Variants in MLLT10 observed in about 807,000 individuals in gnomAD.
MLLT10 encodes protein AF-10.
In MLLT10, 30 loss-of-function variants were observed where a neutral mutation model predicts 129.1. The ratio of observed to expected loss-of-function variants is 0.23; its 90% confidence interval spans 0.17 to 0.32. MLLT10 has a LOEUF of 0.32. Ranked by LOEUF, MLLT10 falls within the 10% of genes least tolerant of loss-of-function variation. MLLT10 has a pLI of 1.00. For synonymous variants in MLLT10, 490 were observed against 446.4 expected (o/e 1.10, Z -1.23); for missense variants, 1,119 against 1,268.3 (o/e 0.88, Z 1.79).
chr10:21,575,477 G>A (rs1211962702), intron 3 of MLLT10, among the ~76,000 whole-genome samples: 3 of 152,156 alleles, frequency 2.0e-5, no homozygotes, highest in Non-Finnish European at 2.9e-5. Flanking sequence ...GATTACAGGC[G>A]TGAGCCACCA....
intron 5 of MLLT10, among the ~76,000 whole-genome samples, chr10:21,604,121 C>T (rs917070679): frequency 9.9e-5 from 15 of 152,166 alleles, no homozygotes; most frequent in African/African-American, 3.6e-4. Context: ...GTTCTTTCCA[C>T]ATACAAAATA....
chr10:21,611,053 A>G (rs2044593670), intron 5 of MLLT10, among the ~76,000 whole-genome samples: 2 of 139,968 alleles, frequency 1.4e-5, no homozygotes, highest in African/African-American at 5.3e-5. Context: ...CTGGAGTGCA[A>G]TGGCATGATC....
chr10:21,602,369 A>T (rs2043624941), intron 5 of MLLT10, among the ~76,000 whole-genome samples: 1 of 151,942 alleles, frequency 6.6e-6, no homozygotes, highest in South Asian at 2.1e-4. Flanking sequence ...TTTTTTTGAA[A>T]GTTGGTAGCA....
chr10:21,623,076 T>C (rs1415770825), intron 8 of MLLT10, among the ~76,000 whole-genome samples: 1 of 152,226 alleles, frequency 6.6e-6, no homozygotes, highest in Non-Finnish European at 1.5e-5. Flanking sequence ...AGAGCTTCCA[T>C]GCCCTCTCCA....
At chr10:21,713,321 C>G (rs1244703347) in intron 13 of MLLT10, among the ~76,000 whole-genome samples, 1 of 152,220 alleles carries the variant, frequency 6.6e-6, no homozygotes, top group Non-Finnish European at 1.5e-5. Context: ...ATTTTAATTT[C>G]TACCTTGTCG....
intron 13 of MLLT10, among the ~76,000 whole-genome samples, chr10:21,697,010 CTTT>C: frequency 7.5e-6 from 1 of 133,296 alleles, no homozygotes; most frequent in East Asian, 2.4e-4. Context: ...CTAGCTTCAT[CTTT>C]GAGCATCTTA....
At chr10:21,546,877 G>A (rs1488692478) in intron 3 of MLLT10, among the ~76,000 whole-genome samples, 2 of 151,948 alleles carry the variant, frequency 1.3e-5, no homozygotes, top group African/African-American at 2.4e-5. Flanking sequence ...ACAGGCATGC[G>A]CCACCACACC....
intron 8 of MLLT10, among the ~76,000 whole-genome samples, chr10:21,642,246 T>C (rs1406594820): frequency 6.6e-6 from 1 of 152,004 alleles, no homozygotes; most frequent in African/African-American, 2.4e-5. Flanking sequence ...CCAGCTACAC[T>C]GGAGGCTGAG....
At position 21,733,890 on chromosome 10, in the gene MLLT10, G is replaced by C. The variant is rs369868192; in HGVS notation, c.2619G>C (p.Val873=). ...GTGGAGTTCAGCAGGTCAATGGCGT[G>C]ACAGTGGGGGCACTAGCTAGTGGAA... is the stretch of plus-strand genomic sequence containing the variant. ...GVSGVQQVNG[V]TVGALASGMQ... The change falls in exon 20 of 23, where the codon GTG becomes GTC. Residue 873 remains valine, a synonymous_variant. Transcript: ENST00000307729. 1.7e-5 allele frequency: 27 copies of C among 1,614,110 alleles called. No individual in the cohort carries two copies. Among genetic ancestry groups the C allele is most frequent in the Non-Finnish European group, 2.3e-5 (27 of 1,180,038 alleles).
intron 9 of MLLT10, among the ~76,000 whole-genome samples, chr10:21,656,184 C>T (rs1054133500): frequency 1.4e-4 from 22 of 151,922 alleles, no homozygotes; most frequent in Admixed American, 1.3e-4. Flanking sequence ...TTTTGGGGAA[C>T]GGTGTCATTT....
chr10:21,742,075 C>G lies in MLLT10; in HGVS notation c.*92C>G. Reference sequence around the variant, plus strand: ...TCCTTTTACTACAGCTATGAAGAAACGCAACAAGAAACTCAATGCACAACA... The same window carrying G: ...TCCTTTTACTACAGCTATGAAGAAAGGCAACAAGAAACTCAATGCACAACA... On this transcript the variant is annotated 3_prime_UTR_variant, in exon 23 of 23. Transcript: ENST00000307729. 1.7e-6 allele frequency: 2 copies of G among 1,152,472 alleles called. No homozygotes were observed. Among genetic ancestry groups the G allele is most frequent in the Non-Finnish European group, 1.3e-6 (1 of 783,408 alleles). 71.4% of individuals were successfully genotyped at this position (1,152,472 alleles called of 1,614,324 possible).
At chr10:21,659,997 A>G (rs1051310924) in intron 9 of MLLT10, among the ~76,000 whole-genome samples, 4 of 151,708 alleles carry the variant, frequency 2.6e-5, no homozygotes, top group Non-Finnish European at 5.9e-5. Context: ...CTTTTTTTTG[A>G]GACAGTCTTG....
At chr10:21,614,584 A>G (rs1375150781) in intron 6 of MLLT10, among the ~76,000 whole-genome samples, 1 of 152,210 alleles carries the variant, frequency 6.6e-6, no homozygotes, top group Non-Finnish European at 1.5e-5. Flanking sequence ...GTACATCTTC[A>G]TCCTAATATG....
rs1468415840 is a variant in MLLT10 at position 21,606,976 on chromosome 10, T to C, written c.406-5372T>C. ...ATTGATATAGCCAACTTTATTGTTA[T>C]AAATGGCTGGGTGTGGTAGTTCACA... On this transcript the variant is annotated intron_variant, in intron 5 of 22. Coordinates refer to ENST00000307729, the MANE Select transcript of MLLT10 (RefSeq NM_001195626.3). 2.0e-5 allele frequency among the ~76,000 whole-genome samples: 3 copies of C among 152,200 alleles called. No individual in the cohort carries two copies. The East Asian group carries it at 5.8e-4, about 29-fold the overall frequency.
intron 21 of MLLT10, among the ~76,000 whole-genome samples, chr10:21,739,483 C>T (rs1187898198): frequency 1.3e-5 from 2 of 152,216 alleles, no homozygotes; most frequent in African/African-American, 4.8e-5. Flanking sequence ...AGTTGTGTTT[C>T]CCTTGACGCA....
chr10:21,735,379 G>T, intron 21 of MLLT10, 144 bp downstream of exon 21: 1 of 667,684 alleles, frequency 1.5e-6, no homozygotes, highest in Non-Finnish European at 2.5e-6. Context: ...GGTACAGGCT[G>T]TGATACCTGC....
At chr10:21,702,910 A>T (rs1412027137) in intron 13 of MLLT10, among the ~76,000 whole-genome samples, 1 of 152,104 alleles carries the variant, frequency 6.6e-6, no homozygotes, top group African/African-American at 2.4e-5. Flanking sequence ...GGAGAATTTA[A>T]TCCATTACAT....
chr10:21,565,160 GTA>G, intron 3 of MLLT10, among the ~76,000 whole-genome samples: 1 of 152,106 alleles, frequency 6.6e-6, no homozygotes, highest in Non-Finnish European at 1.5e-5. Context: ...TTGCTCAAAA[GTA>G]TAGTGTTTCT....
chr10:21,591,856 G>A (rs1057247559), intron 4 of MLLT10, among the ~76,000 whole-genome samples: 1 of 151,824 alleles, frequency 6.6e-6, no homozygotes. Context: ...GAGTAGCTGG[G>A]ACTACAGGCA....
Sources: gnomAD v4.1 joint callset for allele counts (sites outside exome capture counted in the v4.1 genomes callset) on GRCh38, gnomAD v4.1.1 for gene constraint, MANE v1.5 for transcripts, NCBI Gene and HGNC (gene_info 2026-07-23, HGNC 2026-07-21) for gene names.